CFAP251: variants seen among roughly 807,000 people sequenced by gnomAD.
CFAP251 encodes the protein cilia- and flagella-associated protein 251.
Under a neutral mutation model 126.7 loss-of-function variants are expected in CFAP251, and 93 were observed. The ratio of observed to expected loss-of-function variants is 0.73; its 90% CI spans 0.62 to 0.87. The LOEUF is 0.87. CFAP251 is among the 40% of genes least tolerant of loss of function. The pLI, the probability that CFAP251 is intolerant of heterozygous loss-of-function variation, is 0.00. For synonymous variants in CFAP251, 503 were observed against 506.9 expected, an observed-to-expected ratio of 0.99 and a Z score of 0.10; for missense variants, 1,287 against 1,389.2, an observed-to-expected ratio of 0.93 and a Z score of 1.17.
At chr12:122,001,642 G>C in intron 21 of CFAP251, 44 bp downstream of exon 21, 2 of 1,492,290 alleles carry the variant, frequency 1.3e-6, no homozygotes, top group Non-Finnish European at 1.9e-6. Context: ...GTGGCTCACT[G>C]ATTTGTTGTA....
chr12:121,923,541 T>A, intron 2 of CFAP251, 81 bp from the exon 3 acceptor site: 1 of 1,503,130 alleles, frequency 6.7e-7, no homozygotes, highest in Non-Finnish European at 8.9e-7. Flanking sequence ...ACACTAAGAC[T>A]GGCTGACTGG....
chr12:121,969,056 C>G, intron 17 of CFAP251: 1 of 985,336 alleles, frequency 1.0e-6, no homozygotes, highest in East Asian at 1.1e-4. Context: ...TGTGGCTCGG[C>G]TGGGCCTCTC....
intron 10 of CFAP251, among the ~76,000 whole-genome samples, chr12:121,954,846 A>G (rs1193711540): frequency 1.3e-5 from 2 of 152,098 alleles, no homozygotes. Flanking sequence ...TAAAAAAATC[A>G]TGAGTATGCA....
chr12:121,959,344 G>A, intron 13 of CFAP251: 2 of 379,690 alleles, frequency 5.3e-6, no homozygotes, highest in South Asian at 1.1e-4. Flanking sequence ...AGGAGGCTGA[G>A]GCGGGAGGAC....
Position 121,968,132 on chromosome 12 carries a change from C to T in CFAP251, c.2734C>T (p.His912Tyr). 1 of 1,611,472 alleles carries T rather than the reference C, an allele frequency of 6.2e-7. No individual in the cohort carries two copies. The highest frequency in any genetic ancestry group is 8.5e-7 in the Non-Finnish European group (1 of 1,177,894). Residue 912 changes from histidine to tyrosine, a missense_variant, in exon 17 of 22, where the codon CAC becomes TAC. Coordinates refer to ENST00000288912, the MANE Select transcript of CFAP251 (RefSeq NM_144668.6). ...CTGCTACGCCTTCACTGCGGGAGGG[C>T]ACGATCGCTCGGTGGTGCAGTGGAA... ...DGCYAFTAGG[H>Y]DRSVVQWKIT...
intron 7 of CFAP251, among the ~76,000 whole-genome samples, chr12:121,946,551 A>C (rs529736): frequency 0.66 from 100,195 of 152,000 alleles, 36,107 homozygotes; most frequent in Non-Finnish European, 0.82. Flanking sequence ...CCCCCAGCTG[A>C]TTTTACAGAT....
At chr12:121,937,828 C>G (rs903057051) in intron 5 of CFAP251, among the ~76,000 whole-genome samples, 1 of 152,164 alleles carries the variant, frequency 6.6e-6, no homozygotes, top group Non-Finnish European at 1.5e-5. Flanking sequence ...CACTTCATTT[C>G]CTGTGGCTTC....
intron 3 of CFAP251, among the ~76,000 whole-genome samples, chr12:121,928,256 C>T (rs1306825904): frequency 1.3e-5 from 2 of 151,988 alleles, no homozygotes; most frequent in African/African-American, 2.4e-5. Flanking sequence ...TAAGAAACAG[C>T]CAAATATTAA....
At chr12:121,954,780 A>G (rs1435626281) in intron 10 of CFAP251, among the ~76,000 whole-genome samples, 2 of 151,498 alleles carry the variant, frequency 1.3e-5, no homozygotes, top group Non-Finnish European at 1.5e-5. Context: ...AACTAAGATC[A>G]GGGATGGGGG....
chr12:121,938,374 T>A (rs990409671), intron 5 of CFAP251, among the ~76,000 whole-genome samples: 1 of 151,934 alleles, frequency 6.6e-6, no homozygotes, highest in Admixed American at 6.6e-5. Context: ...CAGGCTAGAG[T>A]GCAGTGGCAC....
At chr12:121,923,567 A>G in intron 2 of CFAP251, 55 bp from the exon 3 acceptor site, 1 of 1,540,386 alleles carries the variant, frequency 6.5e-7, no homozygotes, top group Non-Finnish European at 8.7e-7. Context: ...GAAAAGGTGA[A>G]TAAATGGTGA....
chr12:121,924,941 C>T (rs961426121), intron 3 of CFAP251, among the ~76,000 whole-genome samples: 2 of 151,918 alleles, frequency 1.3e-5, no homozygotes, highest in Admixed American at 6.6e-5. Context: ...CCCTTTCCTT[C>T]CCGCTTCCTC....
At chr12:121,961,638 T>A (rs1275874969) in intron 14 of CFAP251, among the ~76,000 whole-genome samples, 1 of 152,248 alleles carries the variant, frequency 6.6e-6, no homozygotes, top group East Asian at 1.9e-4. Context: ...TTTAGCTATG[T>A]GACCTTGGAC....
intron 1 of CFAP251, among the ~76,000 whole-genome samples, chr12:121,920,951 C>T (rs556008043): frequency 1.3e-5 from 2 of 151,828 alleles, no homozygotes; most frequent in Middle Eastern, 3.4e-3. Context: ...CAGGTTCAAG[C>T]GATTCTCCTG....
At chr12:121,977,859 T>G (rs1287759423) in intron 19 of CFAP251, among the ~76,000 whole-genome samples, 1 of 149,682 alleles carries the variant, frequency 6.7e-6, no homozygotes, top group Non-Finnish European at 1.5e-5. Flanking sequence ...TTCAGGAGGC[T>G]GAGGGAGGAG....
At chr12:121,920,755 C>T (rs1044738727) in intron 1 of CFAP251, among the ~76,000 whole-genome samples, 2 of 152,030 alleles carry the variant, frequency 1.3e-5, no homozygotes, top group Admixed American at 6.6e-5. Flanking sequence ...TGGTCTCAAA[C>T]TCCTGACCTC....
chr12:121,994,481 G>T (rs1283088850), intron 19 of CFAP251, among the ~76,000 whole-genome samples: 1 of 103,662 alleles, frequency 9.6e-6, no homozygotes, highest in Non-Finnish European at 2.0e-5. Context: ...TTGAGAACGG[G>T]CCAGGATGAC....
In CFAP251 at chr12:121,958,283, T is replaced by C. The variant is rs770544050; in HGVS notation, c.1742T>C (p.Ile581Thr). The C allele has an allele frequency of 3.1e-6, 5 of 1,613,890 alleles. No individual in the cohort carries two copies. The African/African-American group carries it at 4.0e-5, about 13-fold the overall frequency. The change falls in exon 12 of 22, where the codon ATT becomes ACT. Residue 581 changes from isoleucine (I) to threonine (T), a missense_variant. By Grantham distance (89) the Ile-to-Thr change is moderately conservative. Transcript: ENST00000288912. ...TCCTTGGCAAACAGGAATTTTATCA[T>C]TGGAACATCTGATGCCGCGGTGTAC... ...GDLFVLRNFI[I>T]GTSDAAVYHL...
chr12:121,934,126 C>A, intron 4 of CFAP251, 121 bp from the exon 5 acceptor site: 1 of 690,936 alleles, frequency 1.4e-6, no homozygotes, highest in Non-Finnish European at 2.3e-6. Context: ...AACAGAATTT[C>A]CAGCCAGATG....
Sources: allele counts gnomAD v4.1 joint callset (sites outside exome capture counted in the v4.1 genomes callset), GRCh38; gene constraint gnomAD v4.1.1; transcripts MANE v1.5; gene names NCBI Gene and HGNC (gene_info 2026-07-23, HGNC 2026-07-21).